Variants in ALK observed in about 807,000 individuals in gnomAD.
ALK encodes ALK tyrosine kinase receptor.
ALK carries 74 observed loss-of-function variants against 163.1 expected under a neutral mutation model. The observed-to-expected ratio is 0.45, with a 90% CI of 0.38 to 0.55. The LOEUF (loss-of-function observed/expected upper bound fraction) is 0.55, where lower values mean the gene tolerates loss of function less well. ALK is among the 20% of genes least tolerant of loss of function. The probability of loss-of-function intolerance (pLI) is 0.00; values close to 1 mark genes in which losing one functional copy is unlikely to be tolerated. For synonymous variants in ALK, 960 were observed against 843.2 expected (o/e 1.14, Z -2.40); for missense variants, 2,063 against 2,105.3 (o/e 0.98, Z 0.39).
intron 11 of ALK, among the ~76,000 whole-genome samples, chr2:29,261,274 C>A (rs576651741): frequency 6.6e-6 from 1 of 152,232 alleles, no homozygotes; most frequent in South Asian, 2.1e-4. Flanking sequence ...ATCTCACTTG[C>A]ATTTTGAAGT....
chr2:29,588,805 G>A lies in ALK; in HGVS notation c.953-56689C>T, dbSNP rs568284802. Among the ~76,000 whole-genome samples the A allele has an allele frequency of 4.6e-5, 7 of 152,272 alleles. No individual in the cohort carries two copies. In the East Asian group the frequency reaches 1.4e-3, roughly 29 times the overall value. On this transcript the variant is annotated intron_variant, in intron 3 of 28. Coordinates refer to ENST00000389048, the MANE Select transcript of ALK (RefSeq NM_004304.5). Reference sequence around the variant, plus strand: ...TTTGAATTTCATATAATGTTCATGTGTCACAAAATAGTTTTCTTCTTTTGA... The same window carrying A: ...TTTGAATTTCATATAATGTTCATGTATCACAAAATAGTTTTCTTCTTTTGA...
At chr2:29,484,400 T>C (rs770831755) in intron 4 of ALK, among the ~76,000 whole-genome samples, 6 of 152,190 alleles carry the variant, frequency 3.9e-5, no homozygotes, top group Non-Finnish European at 7.3e-5. Context: ...CTGCTGGATC[T>C]GGGTCCTAGC....
At chr2:29,756,707 A>G (rs930372805) in intron 1 of ALK, among the ~76,000 whole-genome samples, 1 of 152,068 alleles carries the variant, frequency 6.6e-6, no homozygotes, top group Non-Finnish European at 1.5e-5. Context: ...TTGTATTTTT[A>G]GTAGAGACAG....
rs543558386 is a variant in ALK at position 29,225,018 on chromosome 2, C to T, written c.3172+443G>A. ...GCTGAACAGAAATATACTCAGAAACCGATTTTCCTATCTCTCTGCCTGGAG... is the reference window on the plus strand; with the variant it reads ...GCTGAACAGAAATATACTCAGAAACTGATTTTCCTATCTCTCTGCCTGGAG... On this transcript the variant is annotated intron_variant, in intron 19 of 28. Coordinates refer to ENST00000389048, the MANE Select transcript of ALK (RefSeq NM_004304.5). Among the ~76,000 whole-genome samples, 57 of 152,322 alleles carry T rather than the reference C, an allele frequency of 3.7e-4. No individual in the cohort carries two copies. The East Asian group carries it at 0.01, about 27-fold the overall frequency.
At chr2:29,281,536 CTT>C (rs1464663501) in intron 9 of ALK, among the ~76,000 whole-genome samples, 1 of 152,220 alleles carries the variant, frequency 6.6e-6, no homozygotes. Context: ...AAAGAGGACA[CTT>C]TTGATTGCAT....
At chr2:29,462,392 C>T (rs939876557) in intron 4 of ALK, among the ~76,000 whole-genome samples, 8 of 152,182 alleles carry the variant, frequency 5.3e-5, no homozygotes, top group African/African-American at 1.9e-4. Flanking sequence ...GTTGATGCAG[C>T]GAACTTCATT....
chr2:29,365,958 C>G (rs1399773811), intron 5 of ALK, among the ~76,000 whole-genome samples: 2 of 152,180 alleles, frequency 1.3e-5, no homozygotes, highest in African/African-American at 4.8e-5. Context: ...TTTTCCTGAG[C>G]TTTGCAGACC....
At chr2:29,489,058 C>T (rs780455220) in intron 4 of ALK, among the ~76,000 whole-genome samples, 3 of 152,094 alleles carry the variant, frequency 2.0e-5, no homozygotes, top group South Asian at 2.1e-4. Flanking sequence ...TAGTGATGAA[C>T]GACTAACTAG....
chr2:29,553,791 T>C (rs914281449), intron 3 of ALK, among the ~76,000 whole-genome samples: 3 of 152,228 alleles, frequency 2.0e-5, no homozygotes, highest in African/African-American at 7.2e-5. Flanking sequence ...AATTTGCATG[T>C]CTTTAATTAC....
chr2:29,592,299 C>T (rs948397356), intron 3 of ALK, among the ~76,000 whole-genome samples: 4 of 152,302 alleles, frequency 2.6e-5, no homozygotes, highest in South Asian at 4.1e-4. Context: ...ATTGCCACTC[C>T]GAGGAGCTGG....
chr2:29,740,004 T>A (rs1680008177), intron 1 of ALK, among the ~76,000 whole-genome samples: 1 of 152,120 alleles, frequency 6.6e-6, no homozygotes, highest in African/African-American at 2.4e-5. Flanking sequence ...ACTTGTAATG[T>A]TACTTTTATC....
At chr2:29,648,113 C>T (rs2541178) in intron 3 of ALK, among the ~76,000 whole-genome samples, 5,058 of 152,246 alleles carry the variant, frequency 0.033, 127 homozygotes, top group Non-Finnish European at 0.049. Context: ...GTTCTCTGCA[C>T]GCTGTTTTGC....
chr2:29,514,027 C>G (rs13025175), intron 4 of ALK, among the ~76,000 whole-genome samples: 5 of 77,650 alleles, frequency 6.4e-5, no homozygotes, highest in Non-Finnish European at 1.0e-4. Flanking sequence ...TGTGGAGAAA[C>G]AGGAACACTT....
intron 4 of ALK, among the ~76,000 whole-genome samples, chr2:29,427,889 G>T (rs1263822845): frequency 5.3e-5 from 8 of 151,946 alleles, no homozygotes; most frequent in Admixed American, 5.2e-4. Context: ...ACAAAACAAG[G>T]CTCAATACAT....
In ALK at chr2:29,725,658, G is replaced by A. The variant is rs543222550; in HGVS notation, c.668-7961C>T. On this transcript the variant is annotated intron_variant, in intron 1 of 28. Coordinates refer to ENST00000389048, the MANE Select transcript of ALK (RefSeq NM_004304.5). ...TCTTTTCTTTTTTTTTTTGCTCATT[G>A]ATTTAGAAAAAATTAGGAAAAGCAT... Among the ~76,000 whole-genome samples the A allele has an allele frequency of 2.7e-5, 4 of 150,226 alleles. No homozygotes were observed. In the South Asian group the frequency reaches 8.4e-4, roughly 31 times the overall value.
intron 4 of ALK, among the ~76,000 whole-genome samples, chr2:29,406,767 G>A (rs1020102198): frequency 3.9e-5 from 6 of 151,958 alleles, no homozygotes; most frequent in Non-Finnish European, 8.8e-5. Context: ...GGGCATGGTG[G>A]TGCACTCCTG....
At chr2:29,547,658 C>G (rs1673591767) in intron 3 of ALK, among the ~76,000 whole-genome samples, 1 of 152,250 alleles carries the variant, frequency 6.6e-6, no homozygotes, top group South Asian at 2.1e-4. Flanking sequence ...GGGAACTGAA[C>G]TGCGGTGGAT....
At chr2:29,756,433 G>A (rs1680533012) in intron 1 of ALK, among the ~76,000 whole-genome samples, 1 of 152,034 alleles carries the variant, frequency 6.6e-6, no homozygotes, top group Non-Finnish European at 1.5e-5. Context: ...TCAGCATGTA[G>A]TCAATCCTCT....
intron 9 of ALK, among the ~76,000 whole-genome samples, chr2:29,288,624 G>T (rs1421459879): frequency 6.6e-6 from 1 of 152,172 alleles, no homozygotes. Context: ...TGAAAGCATG[G>T]TGTTTGGAAA....
Sources: allele counts gnomAD v4.1 joint callset (sites outside exome capture counted in the v4.1 genomes callset), GRCh38; gene constraint gnomAD v4.1.1; transcripts MANE v1.5; gene names NCBI Gene and HGNC (gene_info 2026-07-23, HGNC 2026-07-21).